Variants in AFF2 observed in about 807,000 individuals in gnomAD.
The protein encoded by AFF2 is AF4/FMR2 family member 2.
A neutral mutation model predicts 76.9 loss-of-function variants in AFF2; 14 were observed. That is an observed-to-expected ratio of 0.18 (90% CI 0.12 to 0.28). The LOEUF is 0.28. Ranked by LOEUF, AFF2 falls within the 10% of genes least tolerant of loss-of-function variation. The probability of loss-of-function intolerance (pLI) is 1.00; values close to 1 mark genes in which losing one functional copy is unlikely to be tolerated. For missense variants in AFF2, 868 were observed against 1,001.1 expected (o/e 0.87, Z 1.79); for synonymous variants, 398 against 366.7 (o/e 1.09, Z -0.98).
intron 3 of AFF2, among the ~76,000 whole-genome samples, chrX:148,788,280 T>C (rs1557269691): frequency 1.8e-5 from 2 of 112,179 alleles, no homozygotes; most frequent in Non-Finnish European, 3.8e-5. Flanking sequence ...TAAAGCAGTA[T>C]AGAATTGTGA....
intron 3 of AFF2, among the ~76,000 whole-genome samples, chrX:148,737,555 T>A (rs2055300293): frequency 9.0e-6 from 1 of 111,614 alleles, no homozygotes; most frequent in East Asian, 2.8e-4. Flanking sequence ...GATCATATCA[T>A]CAGCAAACAG....
chrX:148,623,600 A>AATATATATATATATATATATAT (rs782158598), intron 1 of AFF2, among the ~76,000 whole-genome samples: 6 of 101,475 alleles, frequency 5.9e-5, no homozygotes, highest in Admixed American at 1.1e-4. Flanking sequence ...CAAACATTTG[A>AATATATATATATATATATATAT]ATATATATAT....
intron 3 of AFF2, among the ~76,000 whole-genome samples, chrX:148,765,558 C>T (rs1344519054): frequency 9.0e-6 from 1 of 111,532 alleles, no homozygotes; most frequent in Non-Finnish European, 1.9e-5. Flanking sequence ...AGTTGTATAG[C>T]ATACAGCGTT....
chrX:148,521,774 A>T (rs1050443115), intron 1 of AFF2, among the ~76,000 whole-genome samples: 1 of 111,689 alleles, frequency 9.0e-6, no homozygotes, highest in African/African-American at 3.3e-5. Flanking sequence ...TGTAGCATGC[A>T]AGTGTGTGGA....
intron 3 of AFF2, among the ~76,000 whole-genome samples, chrX:148,793,488 A>G (rs2069927477): frequency 9.0e-6 from 1 of 111,714 alleles, no homozygotes; most frequent in Non-Finnish European, 1.9e-5. Flanking sequence ...GGTGGGGCAC[A>G]ACTCCTCTCC....
intron 8 of AFF2, among the ~76,000 whole-genome samples, chrX:148,894,509 G>A (rs1557280099): frequency 1.8e-5 from 2 of 111,774 alleles, no homozygotes; most frequent in Admixed American, 1.9e-4. Flanking sequence ...CAGGTGGATG[G>A]GCGGAAAAAA....
chrX:148,951,229 T>C (rs1557286590), intron 9 of AFF2, among the ~76,000 whole-genome samples: 2 of 111,236 alleles, frequency 1.8e-5, no homozygotes, highest in Non-Finnish European at 3.8e-5. Flanking sequence ...CATGGAACTT[T>C]GATTTAGCTG....
chrX:148,987,311 C>A, intron 19 of AFF2, 56 bp from the exon 20 acceptor site: 1 of 1,086,039 alleles, frequency 9.2e-7, no homozygotes, highest in Non-Finnish European at 1.3e-6. Context: ...GGCCTAGAAC[C>A]CCACTGTCAC....
chrX:148,969,530 C>T (rs1468331088), intron 15 of AFF2, among the ~76,000 whole-genome samples: 2 of 112,097 alleles, frequency 1.8e-5, no homozygotes, highest in African/African-American at 6.5e-5. Context: ...CTCTAATATA[C>T]ATTAAATCAT....
At chrX:148,821,278 A>G (rs1408161117) in intron 4 of AFF2, among the ~76,000 whole-genome samples, 2 of 111,415 alleles carry the variant, frequency 1.8e-5, no homozygotes, top group African/African-American at 6.5e-5. Flanking sequence ...TAGTGCTTGG[A>G]GCACTCAATT....
At chrX:148,524,447 T>G (rs1394055604) in intron 1 of AFF2, among the ~76,000 whole-genome samples, 1 of 111,407 alleles carries the variant, frequency 9.0e-6, no homozygotes, top group African/African-American at 3.3e-5. Context: ...CCTTTTCAAA[T>G]GTACCATATG....
intron 1 of AFF2, among the ~76,000 whole-genome samples, chrX:148,636,186 A>G (rs2054029182): frequency 9.0e-6 from 1 of 111,306 alleles, no homozygotes; most frequent in African/African-American, 3.3e-5. Flanking sequence ...CGATGAATAG[A>G]GGCAATTATA....
At chrX:148,802,310 T>C (rs1418548319) in intron 3 of AFF2, among the ~76,000 whole-genome samples, 2 of 111,774 alleles carry the variant, frequency 1.8e-5, no homozygotes, top group African/African-American at 6.5e-5. Context: ...AGTAAGATAA[T>C]GATGTGTGTG....
At chrX:148,793,795 T>C (rs1344427793) in intron 3 of AFF2, among the ~76,000 whole-genome samples, 1 of 111,650 alleles carries the variant, frequency 9.0e-6, no homozygotes, top group Non-Finnish European at 1.9e-5. Context: ...ACTGTATTTG[T>C]CCTCATCTTT....
At chrX:148,638,151 T>C (rs5980556) in intron 1 of AFF2, among the ~76,000 whole-genome samples, 8,238 of 111,918 alleles carry the variant, frequency 0.074, 342 homozygotes, top group Non-Finnish European at 0.11. Flanking sequence ...TGTATTAGTC[T>C]ATTATTGTAT....
At chrX:148,861,051 G>T (rs2070842344) in intron 7 of AFF2, among the ~76,000 whole-genome samples, 1 of 111,614 alleles carries the variant, frequency 9.0e-6, no homozygotes, top group African/African-American at 3.3e-5. Flanking sequence ...AAAAAGAAAA[G>T]ATCCAATTGT....
At chrX:148,682,412 T>G (rs904122750) in intron 3 of AFF2, among the ~76,000 whole-genome samples, 7 of 112,021 alleles carry the variant, frequency 6.2e-5, no homozygotes, top group Non-Finnish European at 1.1e-4. Flanking sequence ...CACAGCCAAG[T>G]GTCATGTGAA....
chrX:148,517,891 C>T (rs1321913803), intron 1 of AFF2, among the ~76,000 whole-genome samples: 2 of 107,872 alleles, frequency 1.9e-5, no homozygotes, highest in Middle Eastern at 4.4e-3. Flanking sequence ...GGCATGGTGG[C>T]GGGCGCCTGT....
In AFF2 at chrX:148,662,487, G is replaced by A; in HGVS notation, c.760G>A (p.Val254Met). 8.3e-7 allele frequency: 1 copy of A among 1,212,091 alleles called. No homozygotes were observed. The change falls in exon 3 of 21, where the codon GTG (valine) becomes ATG (methionine). Residue 254 changes from valine to methionine, a missense_variant. Physicochemically the swap from Val to Met is conservative, Grantham distance 21. Around this residue, in one of 6 missense-constraint regions of AFF2, gnomAD observed 196 missense variants for 194.8 expected, o/e 1.01. Transcript: ENST00000370460. ...FAVQAPGSPLVASSLLAPSSG... is the reference protein window; with the variant it reads ...FAVQAPGSPLMASSLLAPSSG... ...CGTGCAAGCGCCTGGGTCTCCCCTAGTGGCTTCCTCTTTATTAGCTCCTAG... is the reference window on the plus strand; with the variant it reads ...CGTGCAAGCGCCTGGGTCTCCCCTAATGGCTTCCTCTTTATTAGCTCCTAG...
Sources: allele counts gnomAD v4.1 joint callset (sites outside exome capture counted in the v4.1 genomes callset), GRCh38; gene constraint gnomAD v4.1.1; regional missense constraint gnomAD v4.1.1; transcripts MANE v1.5; gene names NCBI Gene and HGNC (gene_info 2026-07-23, HGNC 2026-07-21).